The following PRKAR1B variants were observed in gnomAD, a reference collection of about 807,000 sequenced individuals.
PRKAR1B encodes the protein protein kinase cAMP-dependent type I regulatory subunit beta.
A neutral mutation model predicts 46.5 loss-of-function variants in PRKAR1B; 22 were observed. That is an observed-to-expected ratio of 0.47 (90% confidence interval 0.34 to 0.68). The LOEUF is 0.68. Ranked by LOEUF, PRKAR1B falls within the 30% of genes least tolerant of loss-of-function variation. The probability of loss-of-function intolerance (pLI) is 0.01; values close to 1 mark genes in which losing one functional copy is unlikely to be tolerated. For synonymous variants in PRKAR1B, 259 were observed against 217.7 expected, an observed-to-expected ratio of 1.19 and a Z score of -1.67; for missense variants, 445 against 535.6, an observed-to-expected ratio of 0.83 and a Z score of 1.67.
At position 680,718 on chromosome 7, in the gene PRKAR1B, G is replaced by A. The variant is rs1299082047; in HGVS notation, c.186C>T (p.Asn62=). The change falls in exon 3 of 11, where the codon AAC becomes AAT. Residue 62 remains asparagine (N), a synonymous_variant. Transcript: ENST00000537384. ...EHFEKLEKEE[N]RQILARQKSN... ...ACTTTTGCCGCGCCAAAATCTGCCT[G>A]TTTTCTTCCTGTGTGGGAGAGGAAA... 1.2e-6 allele frequency: 2 copies of A among 1,613,930 alleles called. No individual in the cohort carries two copies. Among genetic ancestry groups the A allele is most frequent in the Non-Finnish European group, 1.7e-6 (2 of 1,180,006 alleles).
intron 2 of PRKAR1B, among the ~76,000 whole-genome samples, chr7:690,472 A>C (rs1304064849): frequency 6.6e-6 from 1 of 152,168 alleles, no homozygotes; most frequent in East Asian, 1.9e-4. Flanking sequence ...TTGGAAAAAA[A>C]GAAATTAAAT....
chr7:629,619 G>C (rs879851728), intron 4 of PRKAR1B, among the ~76,000 whole-genome samples: 4 of 80,260 alleles, frequency 5.0e-5, no homozygotes, highest in East Asian at 9.1e-4. Flanking sequence ...CACGGCCTCC[G>C]AAGGCACCAC....
At chr7:675,927 C>T (rs545415953) in intron 4 of PRKAR1B, among the ~76,000 whole-genome samples, 3 of 152,244 alleles carry the variant, frequency 2.0e-5, no homozygotes, top group African/African-American at 4.8e-5. Context: ...GCCTGGGCAA[C>T]AGAGCAAGAC....
At chr7:633,119 C>T (rs1783861040) in intron 4 of PRKAR1B, among the ~76,000 whole-genome samples, 1 of 152,230 alleles carries the variant, frequency 6.6e-6, no homozygotes, top group Admixed American at 6.5e-5. Context: ...CAGAAACAAA[C>T]CCTTCACGCT....
chr7:572,772 G>A (rs1562528074), intron 9 of PRKAR1B, among the ~76,000 whole-genome samples: 1 of 152,196 alleles, frequency 6.6e-6, no homozygotes, highest in Non-Finnish European at 1.5e-5. Context: ...AAGGTGAGGC[G>A]GGAGCTCCGT....
chr7:580,481 G>A (rs1328622103), intron 8 of PRKAR1B, among the ~76,000 whole-genome samples: 1 of 152,084 alleles, frequency 6.6e-6, no homozygotes, highest in East Asian at 1.9e-4. Flanking sequence ...TTCATCAGGG[G>A]ACTGATCAAA....
rs754143077 is a variant in PRKAR1B, at chr7:580,744, CAAAAAAA to C, written c.770-1374_770-1368del. Among the ~76,000 whole-genome samples, 73 of 117,350 alleles carry C rather than the reference CAAAAAAA, an allele frequency of 6.2e-4. No homozygotes were observed. The Middle Eastern group carries it at 0.015, about 24-fold the overall frequency. 77.0% of individuals were successfully genotyped at this position (117,350 alleles called of 152,430 possible). ...ACCTGATTAACGATTTCTTTTTTGACAAAAAAAAAAAAAAAAAAACAAACGTTTCCTG... is the reference window on the plus strand; with the variant it reads ...ACCTGATTAACGATTTCTTTTTTGACAAAAAAAAAAAACAAACGTTTCCTG... On this transcript the variant is annotated intron_variant, in intron 8 of 10. Transcript: ENST00000537384.
chr7:707,786 A>G (rs1780409087), intron 2 of PRKAR1B, among the ~76,000 whole-genome samples: 1 of 152,196 alleles, frequency 6.6e-6, no homozygotes, highest in African/African-American at 2.4e-5. Context: ...CACAATCGCC[A>G]GCACCACCCG....
At chr7:636,749 C>G (rs1308744341) in intron 4 of PRKAR1B, among the ~76,000 whole-genome samples, 3 of 152,350 alleles carry the variant, frequency 2.0e-5, no homozygotes, top group South Asian at 2.1e-4. Flanking sequence ...CCGGCGGGAC[C>G]TGACGGGTCG....
chr7:579,489 A>C, intron 8 of PRKAR1B, 112 bp from the exon 9 acceptor site: 1 of 1,338,722 alleles, frequency 7.5e-7, no homozygotes, highest in Non-Finnish European at 1.0e-6. Flanking sequence ...CAATCACAAC[A>C]CCAGCTCCGT....
intron 9 of PRKAR1B, among the ~76,000 whole-genome samples, chr7:559,795 G>T (rs1375031847): frequency 6.6e-6 from 1 of 152,170 alleles, no homozygotes. Context: ...AATATTTTAG[G>T]CTGGGCACGG....
chr7:577,600 G>T (rs1443595916), intron 9 of PRKAR1B, among the ~76,000 whole-genome samples: 1 of 152,136 alleles, frequency 6.6e-6, no homozygotes, highest in Non-Finnish European at 1.5e-5. Flanking sequence ...TCTCAGGGAG[G>T]CCCCAGGCAG....
At chr7:691,210 C>T (rs1477963620) in intron 2 of PRKAR1B, among the ~76,000 whole-genome samples, 1 of 152,018 alleles carries the variant, frequency 6.6e-6, no homozygotes, top group African/African-American at 2.4e-5. Flanking sequence ...GTCCTGTGCC[C>T]ACTCAAACTG....
intron 4 of PRKAR1B, among the ~76,000 whole-genome samples, chr7:671,875 A>G (rs766243933): frequency 1.7e-4 from 26 of 152,200 alleles, no homozygotes; most frequent in Non-Finnish European, 3.2e-4. Flanking sequence ...CAGCTGTGCC[A>G]TGCCTGGAAC....
intron 2 of PRKAR1B, among the ~76,000 whole-genome samples, chr7:695,737 C>T (rs1032068891): frequency 1.1e-4 from 17 of 151,888 alleles, no homozygotes; most frequent in Non-Finnish European, 2.2e-4. Context: ...GATCTCAGCT[C>T]ACTGCAAGCT....
At chr7:613,285 T>A (rs1782630042) in intron 4 of PRKAR1B, among the ~76,000 whole-genome samples, 1 of 151,842 alleles carries the variant, frequency 6.6e-6, no homozygotes, top group Non-Finnish European at 1.5e-5. Context: ...ATTTTCTAAT[T>A]TTCTATAATT....
rs533005994 is a variant in PRKAR1B at position 574,006 on chromosome 7, C to T, written c.891+5250G>A. On this transcript the variant is annotated intron_variant, in intron 9 of 10. Transcript: ENST00000537384. ...CACATACTCAACACTCAGAACACGC[C>T]GCGCGACTCGGTGATGCCATCTCCT... Among the ~76,000 whole-genome samples the T allele has an allele frequency of 1.4e-4, 22 of 152,346 alleles. 1 individual carries two copies. The South Asian group carries it at 2.9e-3, about 20-fold the overall frequency.
intron 9 of PRKAR1B, among the ~76,000 whole-genome samples, chr7:575,628 C>T (rs1325944274): frequency 3.3e-5 from 5 of 152,220 alleles, no homozygotes; most frequent in African/African-American, 1.2e-4. Context: ...TCACTGTAGC[C>T]TTGAACTCCT....
At chr7:632,266 C>A (rs1440469349) in intron 4 of PRKAR1B, among the ~76,000 whole-genome samples, 1 of 152,134 alleles carries the variant, frequency 6.6e-6, no homozygotes, top group Non-Finnish European at 1.5e-5. Flanking sequence ...GCAGCTCGGC[C>A]CCTGCAGAAG....
Sources: allele counts gnomAD v4.1 joint callset (sites outside exome capture counted in the v4.1 genomes callset), GRCh38; gene constraint gnomAD v4.1.1; transcripts MANE v1.5; gene names NCBI Gene and HGNC (gene_info 2026-07-23, HGNC 2026-07-21).